Variants in GON4L observed in about 807,000 individuals in gnomAD.
GON4L encodes GON-4-like protein.
In GON4L, 87 loss-of-function variants were observed where a neutral mutation model predicts 211.8. The observed-to-expected ratio is 0.41, with a 90% CI of 0.35 to 0.49. GON4L has a LOEUF of 0.49. Ranked by LOEUF, GON4L falls within the 20% of genes least tolerant of loss-of-function variation. The pLI is 0.15. For missense variants in GON4L, 2,155 were observed against 2,659.5 expected, an observed-to-expected ratio of 0.81 and a Z score of 4.17; for synonymous variants, 875 against 962.6, an observed-to-expected ratio of 0.91 and a Z score of 1.68.
intron 2 of GON4L, among the ~76,000 whole-genome samples, chr1:155,829,319 T>C (rs973439231): frequency 6.6e-6 from 1 of 152,106 alleles, no homozygotes; most frequent in Non-Finnish European, 1.5e-5. Context: ...TTTGATGTTA[T>C]GATCAGCCAG....
intron 13 of GON4L, chr1:155,785,042 G>A: frequency 4.5e-6 from 2 of 445,530 alleles, no homozygotes; most frequent in South Asian, 3.9e-5. Flanking sequence ...CAAGGCTGCT[G>A]TGAGCTGTAA....
intron 10 of GON4L, among the ~76,000 whole-genome samples, chr1:155,810,008 A>ATTTTTTTT (rs1553210715): frequency 1.0e-4 from 11 of 107,930 alleles, no homozygotes; most frequent in African/African-American, 3.9e-4. Flanking sequence ...ATATATATAT[A>ATTTTTTTT]TTTTTGAAAT....
At position 155,750,145 on chromosome 1, in the gene GON4L, A is replaced by G; in HGVS notation, c.*439T>C. 1 of 610,658 alleles carries G rather than the reference A, an allele frequency of 1.6e-6. No homozygotes were observed. The highest frequency in any genetic ancestry group is 2.8e-6 in the Non-Finnish European group (1 of 351,310). The allele number at this position is 610,658 out of a possible 1,614,324, so 37.8% of individuals were successfully genotyped here. ...GACAGCCTCGTGGACTAAAGTTCCC[A>G]GTGTGGGAGAAAGGAGCTAGTTTGC... On this transcript the variant is annotated 3_prime_UTR_variant, in exon 32 of 32. Coordinates refer to ENST00000368331, the MANE Select transcript of GON4L (RefSeq NM_001282860.2).
intron 25 of GON4L, among the ~76,000 whole-genome samples, 163 bp from the exon 26 acceptor site, chr1:155,757,486 T>C (rs991832476): frequency 3.9e-5 from 6 of 152,150 alleles, no homozygotes; most frequent in African/African-American, 1.2e-4. Context: ...TCTTCCTCCT[T>C]AGCTGCCTAT....
chr1:155,804,640 G>T (rs928890282), intron 11 of GON4L, among the ~76,000 whole-genome samples: 1 of 151,500 alleles, frequency 6.6e-6, no homozygotes, highest in Non-Finnish European at 1.5e-5. Flanking sequence ...AAAATTAGTC[G>T]GGCACAGTGG....
In GON4L at chr1:155,775,183, C is replaced by G. The variant is rs1212057965; in HGVS notation, c.2179-10G>C. The G allele has an allele frequency of 1.2e-6, 2 of 1,614,172 alleles. No homozygotes were observed. Among genetic ancestry groups the G allele is most frequent in the South Asian group, 2.2e-5 (2 of 91,084 alleles). On this transcript the variant is annotated splice_polypyrimidine_tract_variant and intron_variant, in intron 16 of 31. Transcript: ENST00000368331. ...AGGTTCCCAGCTCTTTCTGGGAAAA[C>G]AGGACACAAGAAAGATTTAAGACAA... is the stretch of plus-strand genomic sequence containing the variant.
At chr1:155,840,403 T>C (rs941368252) in intron 2 of GON4L, among the ~76,000 whole-genome samples, 2 of 152,188 alleles carry the variant, frequency 1.3e-5, no homozygotes, top group Admixed American at 6.6e-5. Flanking sequence ...TTTGGGCTTT[T>C]TAACATCTTT....
intron 11 of GON4L, 36 bp downstream of exon 11, chr1:155,804,913 G>A: frequency 6.9e-7 from 1 of 1,455,334 alleles, no homozygotes; most frequent in South Asian, 1.1e-5. Context: ...ACAGATAATG[G>A]ACAGTATACA....
At chr1:155,821,885 T>C (rs973926577) in intron 4 of GON4L, among the ~76,000 whole-genome samples, 3 of 152,232 alleles carry the variant, frequency 2.0e-5, no homozygotes, top group African/African-American at 7.2e-5. Context: ...AATAGCTGTG[T>C]TGCTACATAT....
rs1661089358 is a variant in GON4L at position 155,755,535 on chromosome 1, C to T, written c.5518-1047G>A. On this transcript the variant is annotated intron_variant, in intron 27 of 31. Coordinates refer to ENST00000368331, the MANE Select transcript of GON4L (RefSeq NM_001282860.2). ...CCCCATCCTCTTTTATGTATCAACT[C>T]CTCACATCGCCTGGGGAAATCAATA... Among the ~76,000 whole-genome samples, 4 of 152,096 alleles carry T rather than the reference C, an allele frequency of 2.6e-5. No individual in the cohort carries two copies. The South Asian group carries it at 8.3e-4, about 32-fold the overall frequency.
intron 12 of GON4L, among the ~76,000 whole-genome samples, chr1:155,789,875 C>A (rs1358190244): frequency 6.6e-6 from 1 of 152,090 alleles, no homozygotes; most frequent in Non-Finnish European, 1.5e-5. Flanking sequence ...CTCCTGTATA[C>A]CTTATCTCTA....
chr1:155,799,566 T>C (rs1462501155), intron 11 of GON4L, among the ~76,000 whole-genome samples: 1 of 152,210 alleles, frequency 6.6e-6, no homozygotes, highest in African/African-American at 2.4e-5. Context: ...TAGTTTCCAA[T>C]CCTTTAGATA....
At chr1:155,803,606 C>T (rs76531395) in intron 11 of GON4L, among the ~76,000 whole-genome samples, 4 of 152,270 alleles carry the variant, frequency 2.6e-5, no homozygotes, top group Non-Finnish European at 5.9e-5. Context: ...TCTGATAATA[C>T]CATTACTTCT....
Position 155,814,194 on chromosome 1 carries a change from A to G in GON4L, c.1281+136T>C. On this transcript the variant is annotated intron_variant, in intron 9 of 31. Transcript: ENST00000368331. ...TATCACTGAGTTCTAGCCTTCTCTG[A>G]ACTGTTTACTAACTTAAGAAACTTT... The G allele has an allele frequency of 3.2e-6, 3 of 928,336 alleles. No homozygotes were observed. In the South Asian group the frequency reaches 4.0e-5, roughly 12 times the overall value. 57.5% of individuals were successfully genotyped at this position (928,336 alleles called of 1,614,324 possible). A position where few individuals can be genotyped will look rare whatever the true frequency, so the allele number is the denominator to read the frequency against.
intron 23 of GON4L, among the ~76,000 whole-genome samples, chr1:155,761,136 T>A (rs1210462608): frequency 6.6e-6 from 1 of 151,692 alleles, no homozygotes; most frequent in Admixed American, 6.6e-5. Context: ...AGGACACAGT[T>A]CTCCAGGACA....
At chr1:155,779,239 G>T (rs1664152722) in intron 14 of GON4L, among the ~76,000 whole-genome samples, 1 of 123,730 alleles carries the variant, frequency 8.1e-6, no homozygotes. Context: ...GGGCGACAGA[G>T]CAAGACTCTG....
chr1:155,851,353 C>CA (rs372086000), intron 2 of GON4L, among the ~76,000 whole-genome samples: 3,929 of 135,534 alleles, frequency 0.029, 91 homozygotes, highest in African/African-American at 0.057. Flanking sequence ...GACTACGTCT[C>CA]AAAAAAAAAA....
At position 155,785,753 on chromosome 1, in the gene GON4L, T is replaced by C. The variant is rs145858585; in HGVS notation, c.1748-379A>G. On this transcript the variant is annotated intron_variant, in intron 12 of 31. Coordinates refer to ENST00000368331, the MANE Select transcript of GON4L (RefSeq NM_001282860.2). The stretch of plus-strand genomic sequence containing the variant: ...AACTCGGCCTCCCAAAATGGTGGGA[T>C]TACAGGTGTGAGCCACCATGACTGG... 8.1e-3 allele frequency among the ~76,000 whole-genome samples: 1,234 copies of C among 152,234 alleles called. 18 individuals are homozygous for C. The highest frequency in any genetic ancestry group is 0.028 in the African/African-American group (1,174 of 41,556).
At chr1:155,800,195 A>G (rs1411917218) in intron 11 of GON4L, among the ~76,000 whole-genome samples, 1 of 149,656 alleles carries the variant, frequency 6.7e-6, no homozygotes, top group Non-Finnish European at 1.5e-5. Context: ...GCAAAACTCC[A>G]TCTCAAAAAC....
Sources: gnomAD v4.1 joint callset for allele counts (sites outside exome capture counted in the v4.1 genomes callset) on GRCh38, gnomAD v4.1.1 for gene constraint, MANE v1.5 for transcripts, NCBI Gene and HGNC (gene_info 2026-07-23, HGNC 2026-07-21) for gene names.